The following GRID2 variants were observed in gnomAD, a reference collection of about 807,000 sequenced individuals.
The protein encoded by GRID2 is glutamate ionotropic receptor delta type subunit 2.
A neutral mutation model predicts 114.8 loss-of-function variants in GRID2; 33 were observed. The observed-to-expected ratio is 0.29, with a 90% CI of 0.22 to 0.38. The LOEUF is 0.38. Among genes scored for constraint, GRID2 ranks in the 10% least tolerant of loss-of-function variants. The pLI is 1.00. For synonymous variants in GRID2, 505 were observed against 449.9 expected (o/e 1.12, Z -1.55); for missense variants, 1,184 against 1,257.7 (o/e 0.94, Z 0.89).
At chr4:93,195,073 T>A (rs1330317391) in intron 4 of GRID2, among the ~76,000 whole-genome samples, 1 of 152,206 alleles carries the variant, frequency 6.6e-6, no homozygotes, top group Non-Finnish European at 1.5e-5. Context: ...AATTTTTTTA[T>A]GTATAGGATA....
intron 1 of GRID2, among the ~76,000 whole-genome samples, chr4:92,546,872 A>G (rs1726289319): frequency 6.6e-6 from 1 of 152,206 alleles, no homozygotes; most frequent in Admixed American, 6.5e-5. Context: ...ATAATGTGAA[A>G]GTCTTCACCA....
chr4:93,219,189 T>C (rs192788502), intron 6 of GRID2, among the ~76,000 whole-genome samples: 93 of 152,282 alleles, frequency 6.1e-4, no homozygotes, highest in Non-Finnish European at 1.1e-3. Flanking sequence ...AATTATAAAA[T>C]ATTAAAAGTT....
At chr4:92,389,252 A>T (rs1730130270) in intron 1 of GRID2, among the ~76,000 whole-genome samples, 1 of 152,094 alleles carries the variant, frequency 6.6e-6, no homozygotes, top group Non-Finnish European at 1.5e-5. Flanking sequence ...GTGATAATTT[A>T]GTTGATCCTA....
At chr4:92,961,421 T>C (rs1483011334) in intron 2 of GRID2, among the ~76,000 whole-genome samples, 2 of 151,444 alleles carry the variant, frequency 1.3e-5, no homozygotes, top group African/African-American at 4.8e-5. Context: ...TATTTCTCTT[T>C]CACATTTTAA....
rs916222464 is a variant in GRID2 at position 92,593,057 on chromosome 4, A to T, written c.244+2771A>T. On this transcript the variant is annotated intron_variant, in intron 2 of 15. Coordinates refer to ENST00000282020, the MANE Select transcript of GRID2 (RefSeq NM_001510.4). The stretch of plus-strand genomic sequence containing the variant: ...ACCTTGTCTGTTTTCATTTTTTTAC[A>T]GTCTAAAGAAGGAAAAAAGATTCAA... Among the ~76,000 whole-genome samples the T allele has an allele frequency of 3.7e-4, 57 of 152,090 alleles. 1 individual carries two copies. Among genetic ancestry groups the T allele is most frequent in the African/African-American group, 1.3e-3 (56 of 41,552 alleles).
intron 14 of GRID2, among the ~76,000 whole-genome samples, chr4:93,669,884 G>T (rs1300688797): frequency 6.6e-6 from 1 of 152,130 alleles, no homozygotes; most frequent in Non-Finnish European, 1.5e-5. Context: ...ATTTGAAGAT[G>T]ATCTGGACCT....
intron 1 of GRID2, among the ~76,000 whole-genome samples, chr4:92,571,454 G>C (rs541154078): frequency 2.2e-4 from 33 of 152,128 alleles, no homozygotes; most frequent in Admixed American, 5.2e-4. Context: ...ACACCCCACT[G>C]TCAACATTAG....
At chr4:92,537,784 G>GGTGTGTGTGTGTGTGTGTGT (rs70942907) in intron 1 of GRID2, among the ~76,000 whole-genome samples, 1 of 125,934 alleles carries the variant, frequency 7.9e-6, no homozygotes, top group Admixed American at 8.6e-5. Flanking sequence ...AAAAACTTGC[G>GGTGTGTGTGTGTGTGTGTGT]GTGTGTGTGT....
intron 1 of GRID2, among the ~76,000 whole-genome samples, chr4:92,444,378 T>C (rs997983315): frequency 6.5e-5 from 7 of 107,292 alleles, no homozygotes; most frequent in African/African-American, 1.4e-4. Context: ...TCAAAGGGGG[T>C]TTGTTCTCTG....
intron 1 of GRID2, among the ~76,000 whole-genome samples, chr4:92,418,240 T>C (rs11942220): frequency 0.28 from 42,077 of 151,972 alleles, 6,032 homozygotes; most frequent in African/African-American, 0.34. Context: ...CCACACTCTA[T>C]GGCTGGAATG....
intron 2 of GRID2, among the ~76,000 whole-genome samples, chr4:92,593,605 A>G (rs1728809199): frequency 6.6e-6 from 1 of 151,946 alleles, no homozygotes; most frequent in South Asian, 2.1e-4. Flanking sequence ...CAATGACTGT[A>G]TCTGTTAATT....
chr4:93,555,522 G>C (rs1261970280), intron 13 of GRID2, among the ~76,000 whole-genome samples: 4 of 152,178 alleles, frequency 2.6e-5, no homozygotes, highest in African/African-American at 4.8e-5. Flanking sequence ...GCCCACCACA[G>C]CTCCTCAAAG....
At chr4:92,497,220 A>G (rs1254203253) in intron 1 of GRID2, among the ~76,000 whole-genome samples, 1 of 151,846 alleles carries the variant, frequency 6.6e-6, no homozygotes, top group Admixed American at 6.6e-5. Context: ...GGTTTAAAAA[A>G]GGATTTGTGA....
chr4:93,096,085 A>G (rs1731205195), intron 3 of GRID2, among the ~76,000 whole-genome samples: 4 of 151,998 alleles, frequency 2.6e-5, no homozygotes, highest in Non-Finnish European at 1.5e-5. Flanking sequence ...AGTGGGGTTG[A>G]TTGTTAACCA....
chr4:92,852,244 A>C lies in GRID2; in HGVS notation c.245-232751A>C, dbSNP rs553019038. On this transcript the variant is annotated intron_variant, in intron 2 of 15. Transcript: ENST00000282020. Reference sequence around the variant, plus strand: ...TCTATAAAAAATCATGTTCTATTTTACTAGGAATTCCTCATCTTTACCTTT... The same window carrying C: ...TCTATAAAAAATCATGTTCTATTTTCCTAGGAATTCCTCATCTTTACCTTT... Among the ~76,000 whole-genome samples, 4 of 152,002 alleles carry C rather than the reference A, an allele frequency of 2.6e-5. No homozygotes were observed. The South Asian group carries it at 6.2e-4, about 24-fold the overall frequency.
intron 8 of GRID2, among the ~76,000 whole-genome samples, chr4:93,276,126 G>T (rs979723298): frequency 6.6e-6 from 1 of 151,848 alleles, no homozygotes; most frequent in Non-Finnish European, 1.5e-5. Context: ...GTTAATTTTT[G>T]TATGTGATAT....
chr4:93,233,180 C>T (rs557838423), intron 7 of GRID2, among the ~76,000 whole-genome samples: 1 of 151,966 alleles, frequency 6.6e-6, no homozygotes, highest in South Asian at 2.1e-4. Context: ...CATTGAAGCA[C>T]CTGAAATAAG....
intron 1 of GRID2, among the ~76,000 whole-genome samples, chr4:93,783,904 C>G (rs1220943797): frequency 6.6e-6 from 1 of 150,880 alleles, no homozygotes; most frequent in Non-Finnish European, 1.5e-5. Flanking sequence ...AACCCCGTCT[C>G]TACTAAAAAT....
Position 92,957,261 on chromosome 4 carries a change from T to C in GRID2, c.245-127734T>C, listed in dbSNP as rs187106664. Among the ~76,000 whole-genome samples the C allele has an allele frequency of 7.9e-5, 12 of 152,248 alleles. No individual in the cohort carries two copies. The East Asian group carries it at 2.1e-3, about 27-fold the overall frequency. On this transcript the variant is annotated intron_variant, in intron 2 of 15. Transcript: ENST00000282020. Reference sequence around the variant, plus strand: ...TCATATGATTTTTTTTTCTATGTTATGTTGTAGGAGTTTAATATTTTTGCA... The same window carrying C: ...TCATATGATTTTTTTTTCTATGTTACGTTGTAGGAGTTTAATATTTTTGCA...
Sources: allele counts gnomAD v4.1 joint callset (sites outside exome capture counted in the v4.1 genomes callset), GRCh38; gene constraint gnomAD v4.1.1; transcripts MANE v1.5; gene names NCBI Gene and HGNC (gene_info 2026-07-23, HGNC 2026-07-21).